GABRA2: variants seen among roughly 807,000 people sequenced by gnomAD.
GABRA2 encodes gamma-aminobutyric acid receptor subunit alpha-2.
Under a neutral mutation model 48.7 loss-of-function variants are expected in GABRA2, and 16 were observed. That is an observed-to-expected ratio of 0.33 (90% confidence interval 0.22 to 0.50). The LOEUF (loss-of-function observed/expected upper bound fraction) is 0.50. GABRA2 is among the 20% of genes least tolerant of loss of function. The probability of loss-of-function intolerance (pLI) is 0.98; values close to 1 mark genes in which losing one functional copy is unlikely to be tolerated. For missense variants in GABRA2, 275 were observed against 535.6 expected (o/e 0.51, Z 4.80); for synonymous variants, 185 against 184.5 (o/e 1.00, Z -0.02).
chr4:46,299,494 AG>A (rs1725352067), intron 8 of GABRA2, among the ~76,000 whole-genome samples: 1 of 151,870 alleles, frequency 6.6e-6, no homozygotes, highest in Non-Finnish European at 1.5e-5. Flanking sequence ...TCATGTTTAT[AG>A]TTAGTGGCAT....
intron 8 of GABRA2, among the ~76,000 whole-genome samples, chr4:46,302,081 T>C (rs1471954486): frequency 2.6e-5 from 4 of 152,074 alleles, no homozygotes; most frequent in Admixed American, 6.5e-5. Context: ...ATTCTTTTTT[T>C]TTTTTGAGAC....
intron 4 of GABRA2, among the ~76,000 whole-genome samples, chr4:46,316,306 A>G (rs1478544494): frequency 3.3e-5 from 5 of 152,056 alleles, no homozygotes; most frequent in African/African-American, 1.2e-4. Context: ...GTGTTAGTCA[A>G]TAAACATTTT....
At chr4:46,351,251 A>G (rs1003120796) in intron 3 of GABRA2, among the ~76,000 whole-genome samples, 4 of 152,028 alleles carry the variant, frequency 2.6e-5, no homozygotes, top group African/African-American at 9.7e-5. Context: ...TTTGGAGCTC[A>G]AAGTGAGTGC....
intron 3 of GABRA2, among the ~76,000 whole-genome samples, chr4:46,344,525 T>C (rs952082485): frequency 2.6e-5 from 4 of 151,900 alleles, no homozygotes; most frequent in Non-Finnish European, 5.9e-5. Flanking sequence ...AAAAGAGACA[T>C]CTTTTTGCTT....
upstream of GABRA2, chr4:46,390,142 T>A: frequency 1.4e-5 from 10 of 726,748 alleles, no homozygotes; most frequent in Non-Finnish European, 1.5e-5. Flanking sequence ...GGAGGAGGAG[T>A]CAGGCCGGGT....
At chr4:46,294,226 T>C (rs762781901) in intron 8 of GABRA2, among the ~76,000 whole-genome samples, 1 of 152,232 alleles carries the variant, frequency 6.6e-6, no homozygotes, top group Non-Finnish European at 1.5e-5. Flanking sequence ...ACTATGCTGA[T>C]TGCAACCAGC....
intron 9 of GABRA2, among the ~76,000 whole-genome samples, chr4:46,260,240 A>G (rs897451678): frequency 2.6e-5 from 4 of 151,880 alleles, no homozygotes; most frequent in South Asian, 2.1e-4. Flanking sequence ...CCTGAAGTAA[A>G]CCACAAGAAC....
At chr4:46,326,321 A>C (rs1304805899) in intron 4 of GABRA2, among the ~76,000 whole-genome samples, 1 of 151,518 alleles carries the variant, frequency 6.6e-6, no homozygotes, top group Non-Finnish European at 1.5e-5. Flanking sequence ...CAGTTTCCCC[A>C]CCCCCAGGTG....
intron 3 of GABRA2, 59 bp downstream of exon 3, chr4:46,386,015 C>T: frequency 1.0e-6 from 1 of 961,160 alleles, no homozygotes; most frequent in South Asian, 1.4e-5. Context: ...AGGAATATTA[C>T]CCTTAACTTT....
chr4:46,262,281 T>G (rs537436317), intron 8 of GABRA2, among the ~76,000 whole-genome samples, 153 bp from the exon 9 acceptor site: 1 of 152,114 alleles, frequency 6.6e-6, no homozygotes, highest in African/African-American at 2.4e-5. Context: ...GGAATTTATA[T>G]TAAAGTGTAA....
rs1714117564 is a variant in GABRA2 at position 46,248,440 on chromosome 4, T to C, written c.*1868A>G. On this transcript the variant is annotated 3_prime_UTR_variant, in exon 10 of 10. Coordinates refer to ENST00000381620, the MANE Select transcript of GABRA2 (RefSeq NM_000807.4). ...TGTTACTGGAAGGGAATTAAAGAAATACATTTATTGGCTCATGTAACAATT... is the reference window on the plus strand; with the variant it reads ...TGTTACTGGAAGGGAATTAAAGAAACACATTTATTGGCTCATGTAACAATT... The C allele has an allele frequency of 2.0e-5, 3 of 151,432 alleles. No homozygotes were observed. In the Admixed American group the frequency reaches 2.0e-4, roughly 10 times the overall value. The allele number at this position is 151,432 out of a possible 1,614,324, so 9.4% of individuals were successfully genotyped here.
At chr4:46,256,661 A>G (rs1679036711) in intron 9 of GABRA2, among the ~76,000 whole-genome samples, 1 of 151,470 alleles carries the variant, frequency 6.6e-6, no homozygotes, top group African/African-American at 2.4e-5. Context: ...CCAAAGATGA[A>G]TGTATTTGAG....
chr4:46,251,229 A>G (rs146199172), intron 9 of GABRA2, among the ~76,000 whole-genome samples: 300 of 151,606 alleles, frequency 2.0e-3, no homozygotes, highest in African/African-American at 6.7e-3. Context: ...CTGAGTCACT[A>G]TTATCTCCTG....
chr4:46,350,264 C>T (rs1201882310), intron 3 of GABRA2, among the ~76,000 whole-genome samples: 2 of 151,692 alleles, frequency 1.3e-5, no homozygotes, highest in Non-Finnish European at 2.9e-5. Context: ...TTGAGTAGTC[C>T]CAGTATAGTC....
chr4:46,348,773 T>C, intron 3 of GABRA2, among the ~76,000 whole-genome samples: 1 of 76,666 alleles, frequency 1.3e-5, no homozygotes, highest in African/African-American at 5.4e-5. Context: ...CGGGGACTGT[T>C]GTGGGGTGGG....
At chr4:46,377,947 C>G (rs1222965187) in intron 3 of GABRA2, among the ~76,000 whole-genome samples, 1 of 150,798 alleles carries the variant, frequency 6.6e-6, no homozygotes, top group African/African-American at 2.4e-5. Context: ...AGTGAGGAGC[C>G]CCTCTGCCCG....
chr4:46,309,497 C>T (rs183441598), intron 6 of GABRA2, among the ~76,000 whole-genome samples: 1 of 152,092 alleles, frequency 6.6e-6, no homozygotes, highest in African/African-American at 2.4e-5. Context: ...TATGCTGAAC[C>T]TACCCAGAAT....
intron 8 of GABRA2, among the ~76,000 whole-genome samples, chr4:46,291,951 G>C (rs1723747247): frequency 6.6e-6 from 1 of 151,986 alleles, no homozygotes; most frequent in Non-Finnish European, 1.5e-5. Context: ...AGAGTTGACT[G>C]TTTAATATAA....
chr4:46,253,976 A>G (rs1024417873), intron 9 of GABRA2, among the ~76,000 whole-genome samples: 1 of 151,552 alleles, frequency 6.6e-6, no homozygotes, highest in South Asian at 2.1e-4. Context: ...AGAGAAAAAT[A>G]CTGTTGAATT....
Sources: allele counts gnomAD v4.1 joint callset (sites outside exome capture counted in the v4.1 genomes callset), GRCh38; gene constraint gnomAD v4.1.1; transcripts MANE v1.5; gene names NCBI Gene and HGNC (gene_info 2026-07-23, HGNC 2026-07-21).